Variants in TTC7B observed in about 807,000 individuals in gnomAD.
TTC7B encodes tetratricopeptide repeat protein 7B.
A neutral mutation model predicts 106.8 loss-of-function variants in TTC7B; 28 were observed. That is an observed-to-expected ratio of 0.26 (90% CI 0.19 to 0.36). The LOEUF (loss-of-function observed/expected upper bound fraction) is 0.36. Among genes scored for constraint, TTC7B ranks in the 10% least tolerant of loss-of-function variants. TTC7B has a pLI of 1.00. For synonymous variants in TTC7B, 405 were observed against 430.6 expected (o/e 0.94, Z 0.74); for missense variants, 862 against 1,076.4 (o/e 0.80, Z 2.79).
intron 19 of TTC7B, among the ~76,000 whole-genome samples, chr14:90,544,460 C>T (rs1359238943): frequency 3.3e-5 from 5 of 152,242 alleles, no homozygotes; most frequent in Admixed American, 2.0e-4. Flanking sequence ...AGTCCAGCTG[C>T]GGGTGGCAAA....
At chr14:90,798,849 C>T (rs554861446) in intron 1 of TTC7B, among the ~76,000 whole-genome samples, 10 of 151,896 alleles carry the variant, frequency 6.6e-5, no homozygotes, top group South Asian at 2.1e-4. Flanking sequence ...GACATGGACA[C>T]GATGTAGGAG....
chr14:90,681,476 C>A, intron 7 of TTC7B, among the ~76,000 whole-genome samples: 1 of 144,614 alleles, frequency 6.9e-6, no homozygotes, highest in Non-Finnish European at 1.5e-5. Flanking sequence ...TCCCCACACC[C>A]CCAATAAAAG....
At chr14:90,786,454 C>A in intron 1 of TTC7B, 126 bp from the exon 2 acceptor site, 3 of 966,702 alleles carry the variant, frequency 3.1e-6, no homozygotes, top group Non-Finnish European at 4.6e-6. Flanking sequence ...CCTTCTGGAA[C>A]TTCATAGCCT....
chr14:90,747,094 G>A (rs1464411069), intron 3 of TTC7B, among the ~76,000 whole-genome samples: 1 of 152,156 alleles, frequency 6.6e-6, no homozygotes, highest in Non-Finnish European at 1.5e-5. Flanking sequence ...AGAGGACTAG[G>A]GCCATGCTAT....
intron 5 of TTC7B, among the ~76,000 whole-genome samples, chr14:90,729,871 C>G (rs1889258027): frequency 6.6e-6 from 1 of 152,108 alleles, no homozygotes; most frequent in African/African-American, 2.4e-5. Context: ...CTTCTCCCAC[C>G]TTCACATCTC....
rs553931670 is a variant in TTC7B, at chr14:90,723,844, T to C, written c.698+6231A>G. On this transcript the variant is annotated intron_variant, in intron 5 of 19. Coordinates refer to ENST00000328459, the MANE Select transcript of TTC7B (RefSeq NM_001010854.2). ...CTGAGAGCCTGGACTATGTCTCTTA[T>C]ATTGGCCAACATATACTAGTACTGA... Among the ~76,000 whole-genome samples the C allele has an allele frequency of 1.2e-4, 19 of 152,330 alleles. No homozygotes were observed. In the South Asian group the frequency reaches 2.1e-3, roughly 17 times the overall value.
intron 12 of TTC7B, among the ~76,000 whole-genome samples, chr14:90,653,672 A>G (rs1003593851): frequency 7.9e-5 from 12 of 152,210 alleles, no homozygotes; most frequent in African/African-American, 2.7e-4. Context: ...CGCCTCCAAC[A>G]TGGCACCTCC....
chr14:90,786,260 G>T lies in TTC7B; in HGVS notation c.190C>A (p.Gln64Lys). The T allele has an allele frequency of 4.3e-6, 7 of 1,612,468 alleles. No homozygotes were observed. The highest frequency in any genetic ancestry group is 4.2e-6 in the Non-Finnish European group (5 of 1,179,322). ...TTGGGGCCTCGGGGACTGGCCCCCTGCCTCAGGGGGTGTTCCTTCAGGTAC... is the reference window on the plus strand; with the variant it reads ...TTGGGGCCTCGGGGACTGGCCCCCTTCCTCAGGGGGTGTTCCTTCAGGTAC... The part of the protein sequence containing the change: ...EQYLKEHPLR[Q>K]GASPRGPKPQ... Residue 64 changes from glutamine (Q) to lysine (K), a missense_variant, in exon 2 of 20, where the codon CAG becomes AAG. Transcript: ENST00000328459.
intron 5 of TTC7B, among the ~76,000 whole-genome samples, chr14:90,706,355 G>C (rs949492090): frequency 2.0e-5 from 3 of 151,754 alleles, no homozygotes; most frequent in Non-Finnish European, 2.9e-5. Flanking sequence ...AGTAGAGATG[G>C]GGTTTCACTG....
intron 4 of TTC7B, among the ~76,000 whole-genome samples, chr14:90,732,954 C>T (rs1216025440): frequency 6.6e-6 from 1 of 152,174 alleles, no homozygotes; most frequent in Non-Finnish European, 1.5e-5. Flanking sequence ...GCATCCTTTC[C>T]TATTCCTTCA....
At chr14:90,816,050 C>T (rs1446405285) in intron 1 of TTC7B, 125 bp downstream of exon 1, 85 of 965,082 alleles carry the variant, frequency 8.8e-5, no homozygotes, top group Non-Finnish European at 1.0e-4. Context: ...ATCCCCTGGG[C>T]CGCAGCTCCC....
chr14:90,690,222 C>T (rs144359454), intron 6 of TTC7B, among the ~76,000 whole-genome samples: 230 of 152,320 alleles, frequency 1.5e-3, no homozygotes, highest in Middle Eastern at 3.4e-3. Context: ...ATCATCCCAC[C>T]CCCGAGGACT....
chr14:90,621,741 T>A (rs181188963), intron 15 of TTC7B, among the ~76,000 whole-genome samples: 1 of 152,214 alleles, frequency 6.6e-6, no homozygotes, highest in South Asian at 2.1e-4. Flanking sequence ...TGCCTTTCCA[T>A]CATTTCCTCA....
intron 5 of TTC7B, among the ~76,000 whole-genome samples, chr14:90,717,072 A>G (rs1888685325): frequency 6.6e-6 from 1 of 152,114 alleles, no homozygotes; most frequent in Admixed American, 6.5e-5. Context: ...AGGCGTGGTG[A>G]CTCACGCCTG....
chr14:90,614,219 T>C (rs774545804), intron 16 of TTC7B, among the ~76,000 whole-genome samples: 5 of 152,218 alleles, frequency 3.3e-5, no homozygotes, highest in Admixed American at 6.5e-5. Context: ...GGAGCCTCAG[T>C]TGTCTCATCA....
At position 90,655,967 on chromosome 14, in the gene TTC7B, T is replaced by C. The variant is rs557221301; in HGVS notation, c.1342-857A>G. Among the ~76,000 whole-genome samples the C allele has an allele frequency of 3.9e-5, 6 of 152,290 alleles. No individual in the cohort carries two copies. The South Asian group carries it at 1.0e-3, about 26-fold the overall frequency. On this transcript the variant is annotated intron_variant, in intron 11 of 19. Transcript: ENST00000328459. Reference sequence around the variant, plus strand: ...GAGGGCAGTAGTCACTGCTGGGAACTGGCACGTTCCAAATGCAAAGGTTGT... The same window carrying C: ...GAGGGCAGTAGTCACTGCTGGGAACCGGCACGTTCCAAATGCAAAGGTTGT...
intron 7 of TTC7B, among the ~76,000 whole-genome samples, chr14:90,681,881 G>GT (rs1348603615): frequency 2.6e-4 from 8 of 30,584 alleles, no homozygotes; most frequent in African/African-American, 4.6e-4. Flanking sequence ...TGTTGTTGTT[G>GT]TGTGTGTGTG....
chr14:90,649,665 T>C (rs2139889993), intron 13 of TTC7B, among the ~76,000 whole-genome samples: 1 of 152,232 alleles, frequency 6.6e-6, no homozygotes, highest in East Asian at 1.9e-4. Flanking sequence ...ACATAATTAA[T>C]TCAGTTTCTC....
chr14:90,699,166 G>C, intron 5 of TTC7B: 1 of 455,884 alleles, frequency 2.2e-6, no homozygotes, highest in South Asian at 1.5e-5. Context: ...ACCTGGTTTC[G>C]TCCTGTTCTA....
Sources: allele counts gnomAD v4.1 joint callset (sites outside exome capture counted in the v4.1 genomes callset), GRCh38; gene constraint gnomAD v4.1.1; transcripts MANE v1.5; gene names NCBI Gene and HGNC (gene_info 2026-07-23, HGNC 2026-07-21).